Variants in GUCY1A2 observed in about 807,000 individuals in gnomAD.
GUCY1A2 encodes the protein guanylate cyclase soluble subunit alpha-2.
Under a neutral mutation model 63.5 loss-of-function variants are expected in GUCY1A2, and 27 were observed. That is an observed-to-expected ratio of 0.43 (90% CI 0.31 to 0.59). GUCY1A2 has a LOEUF of 0.59. GUCY1A2 is among the 20% of genes least tolerant of loss of function. GUCY1A2 has a pLI of 0.11. For missense variants in GUCY1A2, 768 were observed against 913.3 expected, an observed-to-expected ratio of 0.84 and a Z score of 2.05; for synonymous variants, 364 against 343.5, an observed-to-expected ratio of 1.06 and a Z score of -0.66.
Position 106,924,678 on chromosome 11 carries a change from T to G in GUCY1A2, c.1206+14782A>C, listed in dbSNP as rs543847853. Reference sequence around the variant, plus strand: ...CAAATAAGATAATACATATAAAATGTTTACAAGAGGGCCTGCTACTAAGCA... The same window carrying G: ...CAAATAAGATAATACATATAAAATGGTTACAAGAGGGCCTGCTACTAAGCA... On this transcript the variant is annotated intron_variant, in intron 4 of 7. Coordinates refer to ENST00000526355, the MANE Select transcript of GUCY1A2 (RefSeq NM_000855.3). Among the ~76,000 whole-genome samples, 5 of 152,246 alleles carry G rather than the reference T, an allele frequency of 3.3e-5. No individual in the cohort carries two copies. The South Asian group carries it at 1.0e-3, about 32-fold the overall frequency.
rs1387902835 is a variant in GUCY1A2, at chr11:106,968,861, C to T, written c.487+9758G>A. The stretch of plus-strand genomic sequence containing the variant: ...TTTGTGGAAATATAGGAAAAAACCA[C>T]AACAGACCAGGAATTGGAAGTTTGG... On this transcript the variant is annotated intron_variant, in intron 3 of 7. Coordinates refer to ENST00000526355, the MANE Select transcript of GUCY1A2 (RefSeq NM_000855.3). Among the ~76,000 whole-genome samples, 3 of 17,300 alleles carry T rather than the reference C, an allele frequency of 1.7e-4. No homozygotes were observed. The Admixed American group carries it at 1.9e-3, about 11-fold the overall frequency. 11.3% of individuals were successfully genotyped at this position (17,300 alleles called of 152,430 possible).
At chr11:106,826,809 T>C in intron 4 of GUCY1A2, 1 of 1,609,478 alleles carries the variant, frequency 6.2e-7, no homozygotes. Flanking sequence ...GCTGCCAGGA[T>C]GTAGTACAGA....
chr11:106,747,576 T>C (rs1863811882), intron 6 of GUCY1A2, among the ~76,000 whole-genome samples: 1 of 152,250 alleles, frequency 6.6e-6, no homozygotes, highest in African/African-American at 2.4e-5. Flanking sequence ...CAGCAGTAGC[T>C]GGCAAAAGGC....
At chr11:106,798,628 G>A (rs1233079554) in intron 5 of GUCY1A2, among the ~76,000 whole-genome samples, 2 of 152,060 alleles carry the variant, frequency 1.3e-5, no homozygotes, top group Non-Finnish European at 2.9e-5. Context: ...ATCAATAAAT[G>A]TAATCCAGCA....
intron 6 of GUCY1A2, 46 bp from the exon 7 acceptor site, chr11:106,708,712 G>A: frequency 7.5e-7 from 1 of 1,334,082 alleles, no homozygotes; most frequent in Non-Finnish European, 1.0e-6. Context: ...GTTTCCATTT[G>A]GTATGCAATT....
chr11:106,716,789 AAAAAAGAT>A (rs1264788674), intron 6 of GUCY1A2, among the ~76,000 whole-genome samples: 1 of 148,184 alleles, frequency 6.7e-6, no homozygotes, highest in Non-Finnish European at 1.5e-5. Context: ...AAAAAAAAAA[AAAAAAGAT>A]AAGAGTAAAT....
chr11:106,919,476 C>G (rs969869337), intron 4 of GUCY1A2, among the ~76,000 whole-genome samples: 2 of 152,010 alleles, frequency 1.3e-5, no homozygotes, highest in African/African-American at 4.8e-5. Context: ...ATCAAATCAT[C>G]ACATCATACA....
In GUCY1A2 at chr11:106,918,174, G is replaced by A. The variant is rs1860393617; in HGVS notation, c.1206+21286C>T. ...TGCCTGCAGTTCACTAGTTCTCCTTGGGGGGCACTGTAAGGACTATCTGTT... is the reference window on the plus strand; with the variant it reads ...TGCCTGCAGTTCACTAGTTCTCCTTAGGGGGCACTGTAAGGACTATCTGTT... On this transcript the variant is annotated intron_variant, in intron 4 of 7. Coordinates refer to ENST00000526355, the MANE Select transcript of GUCY1A2 (RefSeq NM_000855.3). 1.4e-5 allele frequency among the ~76,000 whole-genome samples: 2 copies of A among 144,206 alleles called. 1 individual carries two copies. The highest frequency in any genetic ancestry group is 3.1e-5 in the Non-Finnish European group (2 of 64,348). The allele number at this position is 144,206 out of a possible 152,430, so 94.6% of individuals were successfully genotyped here. A position where few individuals can be genotyped will look rare whatever the true frequency, so the allele number is the denominator to read the frequency against.
At chr11:107,014,428 G>A (rs1434060260) in intron 1 of GUCY1A2, among the ~76,000 whole-genome samples, 1 of 152,078 alleles carries the variant, frequency 6.6e-6, no homozygotes, top group Non-Finnish European at 1.5e-5. Context: ...TTTGTCCAAA[G>A]CCTGGGAAAT....
chr11:106,731,588 G>A (rs1863507332), intron 6 of GUCY1A2, among the ~76,000 whole-genome samples: 1 of 152,090 alleles, frequency 6.6e-6, no homozygotes, highest in South Asian at 2.1e-4. Context: ...AAGAGAGGAC[G>A]TCAAACTAAC....
At chr11:106,702,878 C>T (rs770963884) in intron 7 of GUCY1A2, among the ~76,000 whole-genome samples, 5 of 152,004 alleles carry the variant, frequency 3.3e-5, no homozygotes, top group East Asian at 1.9e-4. Context: ...CATGGTATGA[C>T]GTTTAATATT....
At position 107,018,132 on chromosome 11, in the gene GUCY1A2, C is replaced by G; in HGVS notation, c.-77G>C. ...GCGGCGGAGGCGGCGGTGGCGGGAC[C>G]GGCAAGCGACAACGTTAAGCGCGTC... On this transcript the variant is annotated 5_prime_UTR_variant, in exon 1 of 8. Transcript: ENST00000526355. 1.0e-6 allele frequency: 1 copy of G among 973,138 alleles called. No individual in the cohort carries two copies. Among genetic ancestry groups the G allele is most frequent in the Non-Finnish European group, 1.4e-6 (1 of 731,304 alleles). The allele number at this position is 973,138 out of a possible 1,614,324, so 60.3% of individuals were successfully genotyped here. A position where few individuals can be genotyped will look rare whatever the true frequency, so the allele number is the denominator to read the frequency against.
At chr11:106,939,052 T>C (rs1207567842) in intron 4 of GUCY1A2, among the ~76,000 whole-genome samples, 1 of 152,226 alleles carries the variant, frequency 6.6e-6, no homozygotes, top group East Asian at 1.9e-4. Context: ...AAGAACATAT[T>C]CAAAGTGAAG....
chr11:106,961,887 A>G (rs1266095387), intron 3 of GUCY1A2, among the ~76,000 whole-genome samples: 1 of 152,256 alleles, frequency 6.6e-6, no homozygotes, highest in East Asian at 1.9e-4. Context: ...TGTTCTAAGT[A>G]GAAATCTCCC....
At chr11:106,976,613 G>A (rs940848980) in intron 3 of GUCY1A2, among the ~76,000 whole-genome samples, 3 of 152,086 alleles carry the variant, frequency 2.0e-5, no homozygotes, top group Non-Finnish European at 4.4e-5. Flanking sequence ...ACAGGTGGCA[G>A]GCATTAAATG....
At chr11:106,827,321 A>G in intron 4 of GUCY1A2, 1 of 1,554,342 alleles carries the variant, frequency 6.4e-7, no homozygotes, top group Non-Finnish European at 8.9e-7. Context: ...GAAGTCAAGA[A>G]TTCAGCTGCT....
chr11:106,745,976 C>G (rs1458642197), intron 6 of GUCY1A2, among the ~76,000 whole-genome samples: 2 of 152,132 alleles, frequency 1.3e-5, no homozygotes, highest in East Asian at 3.9e-4. Context: ...TTATCAGTAT[C>G]TATTATAGAA....
chr11:106,968,307 T>G (rs572100881), intron 3 of GUCY1A2, among the ~76,000 whole-genome samples: 23 of 152,338 alleles, frequency 1.5e-4, no homozygotes, highest in African/African-American at 5.3e-4. Flanking sequence ...ACTTGTGGAA[T>G]GTAAGGTCCA....
intron 6 of GUCY1A2, among the ~76,000 whole-genome samples, chr11:106,763,092 A>G (rs993311666): frequency 3.3e-5 from 5 of 152,164 alleles, no homozygotes; most frequent in Admixed American, 6.6e-5. Context: ...TATAATTTCT[A>G]TGGATACTAA....
Sources: allele counts gnomAD v4.1 joint callset (sites outside exome capture counted in the v4.1 genomes callset), GRCh38; gene constraint gnomAD v4.1.1; transcripts MANE v1.5; gene names NCBI Gene and HGNC (gene_info 2026-07-23, HGNC 2026-07-21).